The following CAST variants were observed in gnomAD, a reference collection of about 807,000 sequenced individuals.
The protein encoded by CAST is MIR583 host.
In CAST, 76 loss-of-function variants were observed where a neutral mutation model predicts 119.6. That is an observed-to-expected ratio of 0.64 (90% confidence interval 0.53 to 0.77). The LOEUF is 0.77. CAST is among the 30% of genes least tolerant of loss of function. CAST has a pLI of 0.00. For synonymous variants in CAST, 319 were observed against 331.6 expected, an observed-to-expected ratio of 0.96 and a Z score of 0.41; for missense variants, 953 against 946.5, an observed-to-expected ratio of 1.01 and a Z score of -0.09.
intron 24 of CAST, among the ~76,000 whole-genome samples, chr5:96,758,797 G>A (rs1766965554): frequency 6.6e-6 from 1 of 152,132 alleles, no homozygotes; most frequent in African/African-American, 2.4e-5. Flanking sequence ...CTTCCATACA[G>A]ACCACATCAC....
At chr5:96,493,820 A>G in the CAST span, among the ~76,000 whole-genome samples, 1 of 152,118 alleles carries the variant, frequency 6.6e-6, no homozygotes, top group Non-Finnish European at 1.5e-5. Context: ...GGATCACCTG[A>G]GGTCAGGAGT....
At chr5:96,248,788 T>G in the CAST span, among the ~76,000 whole-genome samples, 3 of 152,200 alleles carry the variant, frequency 2.0e-5, no homozygotes, top group Non-Finnish European at 1.5e-5. Context: ...AAGAGAAAAG[T>G]TTGGATCCTT....
chr5:96,573,476 T>TA (rs1201951537), intron 1 of CAST, among the ~76,000 whole-genome samples: 1 of 151,790 alleles, frequency 6.6e-6, no homozygotes, highest in Admixed American at 6.6e-5. Context: ...ACAAAATAAA[T>TA]AAAAAAATAA....
intron 1 of CAST, among the ~76,000 whole-genome samples, chr5:96,608,739 A>T (rs1311427156): frequency 6.6e-6 from 1 of 152,188 alleles, no homozygotes; most frequent in Non-Finnish European, 1.5e-5. Flanking sequence ...TGCAGGCTGT[A>T]CAGGAAGCAT....
the CAST span, among the ~76,000 whole-genome samples, chr5:96,515,821 A>G: frequency 6.6e-6 from 1 of 152,060 alleles, no homozygotes; most frequent in Non-Finnish European, 1.5e-5. Flanking sequence ...CTGCCCTGAG[A>G]CCAATTCACC....
At chr5:96,485,095 G>A in the CAST span, among the ~76,000 whole-genome samples, 1 of 152,178 alleles carries the variant, frequency 6.6e-6, no homozygotes, top group Non-Finnish European at 1.5e-5. Context: ...GAAGGAGTGA[G>A]CTTTCAGGTT....
At chr5:96,532,881 C>T (rs1745715590) in intron 1 of CAST, among the ~76,000 whole-genome samples, 2 of 151,766 alleles carry the variant, frequency 1.3e-5, no homozygotes, top group African/African-American at 4.8e-5. Flanking sequence ...AAAAAATCAG[C>T]CAGGATGGTG....
At chr5:96,254,137 C>A in the CAST span, among the ~76,000 whole-genome samples, 1,077 of 152,064 alleles carry the variant, frequency 7.1e-3, 11 homozygotes, top group African/African-American at 0.025. Flanking sequence ...TTATCTCTGA[C>A]CTAATTTAGG....
At chr5:96,264,101 A>C in the CAST span, among the ~76,000 whole-genome samples, 1 of 152,308 alleles carries the variant, frequency 6.6e-6, no homozygotes, top group South Asian at 2.1e-4. Context: ...CATATCACTA[A>C]ATACGTGTCA....
At chr5:96,497,145 A>T in the CAST span, among the ~76,000 whole-genome samples, 1 of 151,842 alleles carries the variant, frequency 6.6e-6, no homozygotes, top group African/African-American at 2.4e-5. Flanking sequence ...TTTGCTGAGA[A>T]TGATGGTTTC....
At chr5:96,392,637 T>C in the CAST span, 1 of 229,448 alleles carries the variant, frequency 4.4e-6, no homozygotes, top group Non-Finnish European at 8.6e-6. Flanking sequence ...TTGCAGATTA[T>C]GTTTTCAAAT....
the CAST span, among the ~76,000 whole-genome samples, chr5:96,224,077 A>G: frequency 6.6e-6 from 1 of 152,210 alleles, no homozygotes; most frequent in Non-Finnish European, 1.5e-5. Context: ...GAGAAAAAGG[A>G]TATACATAAT....
the CAST span, among the ~76,000 whole-genome samples, chr5:96,171,144 A>C: frequency 6.6e-6 from 1 of 152,200 alleles, no homozygotes; most frequent in Non-Finnish European, 1.5e-5. Flanking sequence ...CCTGGACGTC[A>C]GGCACCTTAG....
At chr5:96,753,469 G>A (rs1417211965) in intron 20 of CAST, among the ~76,000 whole-genome samples, 1 of 152,162 alleles carries the variant, frequency 6.6e-6, no homozygotes, top group Non-Finnish European at 1.5e-5. Context: ...TACATTTGGG[G>A]GAGTACATTT....
chr5:96,408,228 T>G, the CAST span: 1 of 1,612,372 alleles, frequency 6.2e-7, no homozygotes, highest in East Asian at 2.2e-5. Context: ...CTTACTTTGC[T>G]TCCAGGGCCA....
chr5:96,722,053 G>A (rs562093244), intron 3 of CAST, among the ~76,000 whole-genome samples: 7 of 152,262 alleles, frequency 4.6e-5, no homozygotes, highest in Admixed American at 3.9e-4. Flanking sequence ...TCTATCTTAT[G>A]TATTAGGAAT....
chr5:95,980,174 T>C, the CAST span, among the ~76,000 whole-genome samples: 1 of 152,110 alleles, frequency 6.6e-6, no homozygotes, highest in Admixed American at 6.5e-5. Flanking sequence ...GTAGAAGTGT[T>C]ACGCTGATTA....
chr5:96,295,015 G>C, the CAST span, among the ~76,000 whole-genome samples: 1 of 152,186 alleles, frequency 6.6e-6, no homozygotes, highest in South Asian at 2.1e-4. Flanking sequence ...CACCAATGTT[G>C]TGTTTCTCTA....
chr5:96,568,702 T>C (rs1746520412), intron 1 of CAST, among the ~76,000 whole-genome samples: 1 of 135,692 alleles, frequency 7.4e-6, no homozygotes, highest in African/African-American at 2.5e-5. Flanking sequence ...TTTGTGTGCA[T>C]ATTTTTTTGT....
Sources: gnomAD v4.1 joint callset for allele counts (sites outside exome capture counted in the v4.1 genomes callset) on GRCh38, gnomAD v4.1.1 for gene constraint, MANE v1.5 for transcripts, NCBI Gene and HGNC (gene_info 2026-07-23, HGNC 2026-07-21) for gene names.